Variants in JPH1 observed in about 807,000 individuals in gnomAD.
JPH1 encodes junctophilin-1.
JPH1 carries 12 observed loss-of-function variants against 53.6 expected under a neutral mutation model. The ratio of observed to expected loss-of-function variants is 0.22; its 90% CI spans 0.14 to 0.36. The LOEUF is 0.36. Ranked by LOEUF, JPH1 falls within the 10% of genes least tolerant of loss-of-function variation. The pLI is 1.00. For synonymous variants in JPH1, 375 were observed against 363.8 expected, an observed-to-expected ratio of 1.03 and a Z score of -0.35; for missense variants, 808 against 905.5, an observed-to-expected ratio of 0.89 and a Z score of 1.38.
In JPH1 at chr8:74,236,976, G is replaced by C. The variant is rs1405125195; in HGVS notation, c.*75C>G. 2.7e-6 allele frequency: 1 copy of C among 372,756 alleles called. No individual in the cohort carries two copies. Among genetic ancestry groups the C allele is most frequent in the Non-Finnish European group, 4.9e-6 (1 of 206,138 alleles). 23.1% of individuals were successfully genotyped at this position (372,756 alleles called of 1,614,324 possible). ...TCTGCCTGGGGTGGGCCATTTAAAG[G>C]GCTGACGGCACCACTGCAGAGAACT... is the stretch of plus-strand genomic sequence containing the variant. On this transcript the variant is annotated 3_prime_UTR_variant, in exon 6 of 6. Coordinates refer to ENST00000342232, the MANE Select transcript of JPH1 (RefSeq NM_020647.4).
At chr8:74,309,652 C>T (rs533149685) in intron 2 of JPH1, among the ~76,000 whole-genome samples, 2 of 152,054 alleles carry the variant, frequency 1.3e-5, no homozygotes, top group Non-Finnish European at 2.9e-5. Flanking sequence ...TTATTGGAGA[C>T]AAGAGTCGAT....
chr8:74,246,740 T>A (rs548659913), intron 3 of JPH1, among the ~76,000 whole-genome samples: 1 of 152,226 alleles, frequency 6.6e-6, no homozygotes, highest in Non-Finnish European at 1.5e-5. Flanking sequence ...AATAGTATTA[T>A]CACAGTTTCC....
At chr8:74,255,167 A>C (rs1806182456) in intron 3 of JPH1, among the ~76,000 whole-genome samples, 1 of 152,190 alleles carries the variant, frequency 6.6e-6, no homozygotes, top group Admixed American at 6.5e-5. Flanking sequence ...ACAGTAACCA[A>C]AACAGCATGG....
chr8:74,275,093 G>A (rs1806809662), intron 2 of JPH1, among the ~76,000 whole-genome samples: 1 of 151,986 alleles, frequency 6.6e-6, no homozygotes, highest in Non-Finnish European at 1.5e-5. Context: ...TAACAGACTG[G>A]GCTTTTGTTT....
intron 4 of JPH1, among the ~76,000 whole-genome samples, chr8:74,240,832 G>A (rs1805672966): frequency 6.6e-6 from 1 of 152,134 alleles, no homozygotes; most frequent in Non-Finnish European, 1.5e-5. Context: ...TCCAAGGTGT[G>A]CCTGAACCTT....
rs965418573 is a variant in JPH1, at chr8:74,235,057, GCTAT to G, written c.*1990_*1993del. 1 of 152,258 alleles carries G rather than the reference GCTAT, an allele frequency of 6.6e-6. No homozygotes were observed. The highest frequency in any genetic ancestry group is 1.5e-5 in the Non-Finnish European group (1 of 67,992). 9.4% of individuals were successfully genotyped at this position (152,258 alleles called of 1,614,324 possible). A position where few individuals can be genotyped will look rare whatever the true frequency, so the allele number is the denominator to read the frequency against. On this transcript the variant is annotated 3_prime_UTR_variant, in exon 6 of 6. Coordinates refer to ENST00000342232, the MANE Select transcript of JPH1 (RefSeq NM_020647.4). ...GCTCACTTTATAAACATATCCTCTC[GCTAT>G]CTGTTACCCATTATTTCCAAAGCAT...
At chr8:74,263,314 A>G (rs1422558510) in intron 2 of JPH1, among the ~76,000 whole-genome samples, 2 of 152,220 alleles carry the variant, frequency 1.3e-5, no homozygotes, top group Admixed American at 6.5e-5. Flanking sequence ...ATGTTTTTAA[A>G]AATCTGTGAC....
intron 4 of JPH1, among the ~76,000 whole-genome samples, chr8:74,240,910 T>G (rs1422737541): frequency 1.3e-5 from 2 of 152,226 alleles, no homozygotes; most frequent in African/African-American, 2.4e-5. Context: ...TAGTGAGTAT[T>G]TTGAATTTGT....
intron 1 of JPH1, among the ~76,000 whole-genome samples, chr8:74,317,829 C>T (rs772757972): frequency 1.2e-4 from 18 of 151,988 alleles, no homozygotes; most frequent in Non-Finnish European, 2.1e-4. Flanking sequence ...CTGTTATCTC[C>T]AAAAATAAGA....
chr8:74,244,568 G>A lies in JPH1; in HGVS notation c.1866C>T (p.Ser622=). ...TTTCCAAAGCAGGGCATGAATCGTT[G>A]CTTGCTGGATTCTTTGGTATAGCAA... is the stretch of plus-strand genomic sequence containing the variant. ...SELAIPKNPA[S]NDSCPALEKE... The change falls in exon 4 of 6, where the codon AGC becomes AGT. Residue 622 remains serine, a synonymous_variant. Transcript: ENST00000342232. The A allele has an allele frequency of 6.2e-7, 1 of 1,612,896 alleles. No homozygotes were observed. The highest frequency in any genetic ancestry group is 1.1e-5 in the South Asian group (1 of 90,812).
chr8:74,236,006 A>G lies in JPH1; in HGVS notation c.*1045T>C, dbSNP rs1405413632. 6.6e-6 allele frequency: 1 copy of G among 152,244 alleles called. No individual in the cohort carries two copies. Among genetic ancestry groups the G allele is most frequent in the Non-Finnish European group, 1.5e-5 (1 of 68,044 alleles). The allele number at this position is 152,244 out of a possible 1,614,324, so 9.4% of individuals were successfully genotyped here. A position where few individuals can be genotyped will look rare whatever the true frequency, so the allele number is the denominator to read the frequency against. ...CCGACAAGATTTTATTTGGTTGTAA[A>G]GTACGTCAGCAAAGAAACTGAATCC... On this transcript the variant is annotated 3_prime_UTR_variant, in exon 6 of 6. Coordinates refer to ENST00000342232, the MANE Select transcript of JPH1 (RefSeq NM_020647.4).
chr8:74,257,921 G>C (rs576827410), intron 3 of JPH1, among the ~76,000 whole-genome samples: 1 of 152,020 alleles, frequency 6.6e-6, no homozygotes, highest in African/African-American at 2.4e-5. Flanking sequence ...TATAAAAACC[G>C]AATCTTCTTT....
chr8:74,283,320 A>C (rs1191738637), intron 2 of JPH1, among the ~76,000 whole-genome samples: 6 of 152,108 alleles, frequency 3.9e-5, no homozygotes, highest in Non-Finnish European at 8.8e-5. Flanking sequence ...TCATTTATAT[A>C]AATTAAAAAT....
At chr8:74,289,464 A>C (rs1807259842) in intron 2 of JPH1, among the ~76,000 whole-genome samples, 1 of 152,196 alleles carries the variant, frequency 6.6e-6, no homozygotes, top group East Asian at 1.9e-4. Context: ...AATAAACATA[A>C]CCCTGCAGTA....
chr8:74,298,257 C>T (rs993025144), intron 2 of JPH1, among the ~76,000 whole-genome samples: 1 of 152,230 alleles, frequency 6.6e-6, no homozygotes, highest in East Asian at 1.9e-4. Context: ...CTTTATGGTG[C>T]CACTTATGCT....
chr8:74,298,916 G>A (rs926084833), intron 2 of JPH1, among the ~76,000 whole-genome samples: 7 of 152,176 alleles, frequency 4.6e-5, no homozygotes, highest in South Asian at 2.1e-4. Context: ...ACTGGCAATG[G>A]GAGCCATTAC....
chr8:74,316,250 A>G (rs963615391), intron 1 of JPH1, among the ~76,000 whole-genome samples: 1 of 152,220 alleles, frequency 6.6e-6, no homozygotes, highest in Non-Finnish European at 1.5e-5. Context: ...GCTAAGAGAG[A>G]ATCGACAACC....
rs1226578925 is a variant in JPH1 at position 74,235,110 on chromosome 8, A to G, written c.*1941T>C. 6.6e-6 allele frequency: 1 copy of G among 152,260 alleles called. No homozygotes were observed. The highest frequency in any genetic ancestry group is 1.5e-5 in the Non-Finnish European group (1 of 68,024). The allele number at this position is 152,260 out of a possible 1,614,324, so 9.4% of individuals were successfully genotyped here. A position where few individuals can be genotyped will look rare whatever the true frequency, so the allele number is the denominator to read the frequency against. On this transcript the variant is annotated 3_prime_UTR_variant, in exon 6 of 6. Transcript: ENST00000342232. The stretch of plus-strand genomic sequence containing the variant: ...ATTACGCATTTTAAATGAACACTTA[A>G]TAAGATTAAATATTTTATTATTATT...
intron 3 of JPH1, among the ~76,000 whole-genome samples, chr8:74,252,352 C>T (rs1383083196): frequency 6.6e-6 from 1 of 152,158 alleles, no homozygotes; most frequent in Non-Finnish European, 1.5e-5. Context: ...AGCTTCTGCA[C>T]AGCAAAAGAA....
Sources: allele counts gnomAD v4.1 joint callset (sites outside exome capture counted in the v4.1 genomes callset), GRCh38; gene constraint gnomAD v4.1.1; transcripts MANE v1.5; gene names NCBI Gene and HGNC (gene_info 2026-07-23, HGNC 2026-07-21).